Variants in APOBEC1 observed in about 807,000 individuals in gnomAD.
The protein encoded by APOBEC1 is C->U-editing enzyme APOBEC-1.
Under a neutral mutation model 26.3 loss-of-function variants are expected in APOBEC1, and 22 were observed. That is an observed-to-expected ratio of 0.84 (90% CI 0.60 to 1.19). The LOEUF is 1.19. Ranked by LOEUF, APOBEC1 falls within the 50% of genes most tolerant of loss-of-function variation. APOBEC1 has a pLI of 0.00. For synonymous variants in APOBEC1, 77 were observed against 95.3 expected (o/e 0.81, Z 1.12); for missense variants, 253 against 289.0 (o/e 0.88, Z 0.90).
In APOBEC1 at chr12:7,665,902, G is replaced by C. The variant is rs1863887400; in HGVS notation, c.-30C>G. 2 of 1,613,644 alleles carry C rather than the reference G, an allele frequency of 1.2e-6. No homozygotes were observed. The highest frequency in any genetic ancestry group is 1.7e-6 in the Non-Finnish European group (2 of 1,179,804). ...CTCTGTCTCTGGACTTCCTCCTCTG[G>C]AGTCATAAGTTGTGCTGATTGTTCC... On this transcript the variant is annotated 5_prime_UTR_variant, in exon 1 of 5. Transcript: ENST00000229304.
At chr12:7,660,362 AGG>A (rs1230097953) in intron 1 of APOBEC1, among the ~76,000 whole-genome samples, 3 of 75,898 alleles carry the variant, frequency 4.0e-5, no homozygotes, top group African/African-American at 9.4e-5. Context: ...GAAGGAAGGA[AGG>A]AAGGAAGGAA....
intron 2 of APOBEC1, 143 bp from the exon 3 acceptor site, chr12:7,652,978 G>A (rs1399913223): frequency 1.4e-6 from 1 of 713,428 alleles, no homozygotes; most frequent in Non-Finnish European, 1.9e-6. Flanking sequence ...TGCCCAGACT[G>A]GAGTGCAGTG....
chr12:7,656,125 C>T (rs1159833477), intron 1 of APOBEC1, among the ~76,000 whole-genome samples: 1 of 151,922 alleles, frequency 6.6e-6, no homozygotes, highest in Non-Finnish European at 1.5e-5. Context: ...GCATGATTCA[C>T]CATGCCTAGG....
Position 7,660,020 on chromosome 12 carries a change from T to A in APOBEC1, c.17-5388A>T, listed in dbSNP as rs762641517. ...AAAGTTTCAATTTAAAGAAAGGGTA[T>A]TTGGGCCGGGTGCGGTGGCTCACGC... On this transcript the variant is annotated intron_variant, in intron 1 of 4. Transcript: ENST00000229304. Among the ~76,000 whole-genome samples, 34 of 151,766 alleles carry A rather than the reference T, an allele frequency of 2.2e-4. 1 individual carries two copies. In the East Asian group the frequency reaches 6.0e-3, roughly 27 times the overall value.
rs778791013 is a variant in APOBEC1 at position 7,652,667 on chromosome 12, C to T, written c.213G>A (p.Thr71=). 1.1e-5 allele frequency: 18 copies of T among 1,614,076 alleles called. No individual in the cohort carries two copies. The highest frequency in any genetic ancestry group is 5.5e-5 in the South Asian group (5 of 91,062). The change falls in exon 3 of 5, where the codon ACG becomes ACA. Residue 71 remains threonine, a synonymous_variant. Transcript: ENST00000229304. ...TGGATGGGTGAAAATCTCTTTCTGA[C>T]GTAAATTTTTTTATAAAATTAACTT... ...HVEVNFIKKF[T]SERDFHPSMS... is the part of the protein sequence containing the mutation.
Position 7,649,674 on chromosome 12 carries a change from A to C in APOBEC1, c.584T>G (p.Ile195Ser). The C allele has an allele frequency of 6.2e-7, 1 of 1,613,198 alleles. No individual in the cohort carries two copies. ...AAGATGATTTTGCCATCTTCTTGAA[A>C]TCTTTAAACAGGGTGGAAGACTCTG... ...IILSLPPCLK[I>S]SRRWQNHLTF... is the part of the protein sequence containing the mutation. Residue 195 changes from isoleucine to serine, a missense_variant, in exon 5 of 5, where the codon ATT becomes AGT. Ile to Ser is a moderately radical substitution (Grantham distance 142). Transcript: ENST00000229304.
At chr12:7,656,555 A>G (rs1863717860) in intron 1 of APOBEC1, among the ~76,000 whole-genome samples, 1 of 152,204 alleles carries the variant, frequency 6.6e-6, no homozygotes, top group Non-Finnish European at 1.5e-5. Context: ...TAAAGAAGCA[A>G]CACAGTGTTG....
At chr12:7,651,686 A>T (rs1350473416) in intron 3 of APOBEC1, among the ~76,000 whole-genome samples, 1 of 151,732 alleles carries the variant, frequency 6.6e-6, no homozygotes, top group African/African-American at 2.4e-5. Context: ...TCTGTCACCT[A>T]GGCCAGTGTG....
chr12:7,650,452 A>G (rs1193371555), intron 4 of APOBEC1, among the ~76,000 whole-genome samples: 1 of 152,158 alleles, frequency 6.6e-6, no homozygotes. Flanking sequence ...ATAAGAATAA[A>G]AATGATAAAA....
At chr12:7,660,371 G>GAAAGAAA (rs1555094880) in intron 1 of APOBEC1, among the ~76,000 whole-genome samples, 7 of 18,054 alleles carry the variant, frequency 3.9e-4, no homozygotes, top group African/African-American at 9.6e-4. Context: ...AAGGAAGGAA[G>GAAAGAAA]GAAGGAAAGA....
rs374677989 is a variant in APOBEC1, at chr12:7,664,600, CCT to C, written c.16+1255_16+1256del. On this transcript the variant is annotated intron_variant, in intron 1 of 4. Coordinates refer to ENST00000229304, the MANE Select transcript of APOBEC1 (RefSeq NM_001644.5). ...ATAGGATTCAATCAACCTGGAATCTCCTCTTCTTTGTCGATCCAAAGTCTGCC... is the reference window on the plus strand; with the variant it reads ...ATAGGATTCAATCAACCTGGAATCTCCTTCTTTGTCGATCCAAAGTCTGCC... Among the ~76,000 whole-genome samples, 322 of 152,304 alleles carry C rather than the reference CCT, an allele frequency of 2.1e-3. 3 individuals carry two copies. Among genetic ancestry groups the C allele is most frequent in the African/African-American group, 7.4e-3 (306 of 41,556 alleles).
upstream of APOBEC1, among the ~76,000 whole-genome samples, chr12:7,667,158 C>T (rs1030886317): frequency 1.3e-5 from 2 of 152,098 alleles, no homozygotes; most frequent in East Asian, 1.9e-4. Flanking sequence ...GTGATCCACC[C>T]GCCTCAGCTT....
rs6144603 is a variant in APOBEC1 at position 7,657,043 on chromosome 12, CGT to C, written c.17-2413_17-2412del. 7.6e-3 allele frequency among the ~76,000 whole-genome samples: 1,128 copies of C among 148,726 alleles called. 12 individuals are homozygous for C. Among genetic ancestry groups the C allele is most frequent in the East Asian group, 0.033 (164 of 4,988 alleles). On this transcript the variant is annotated intron_variant, in intron 1 of 4. Transcript: ENST00000229304. Reference sequence around the variant, plus strand: ...TTGGTGTCCTAGTGTGTTGTATATACGTGTGTGTGTGTGTGTGTGTGTGTGTG... The same window carrying C: ...TTGGTGTCCTAGTGTGTTGTATATACGTGTGTGTGTGTGTGTGTGTGTGTG...
intron 1 of APOBEC1, among the ~76,000 whole-genome samples, chr12:7,660,701 TAAAAAA>T (rs34455959): frequency 5.0e-5 from 6 of 120,056 alleles, no homozygotes; most frequent in Non-Finnish European, 1.0e-4. Flanking sequence ...AGATTCCATC[TAAAAAA>T]AAAAAAAAAA....
intron 3 of APOBEC1, among the ~76,000 whole-genome samples, 186 bp downstream of exon 3, chr12:7,652,252 G>A (rs1047872573): frequency 2.0e-5 from 3 of 152,218 alleles, no homozygotes; most frequent in Admixed American, 6.5e-5. Context: ...GCCACCATGC[G>A]TAGCCAGGAG....
At chr12:7,660,638 G>A (rs1360087056) in intron 1 of APOBEC1, among the ~76,000 whole-genome samples, 1 of 145,884 alleles carries the variant, frequency 6.9e-6, no homozygotes, top group Non-Finnish European at 1.5e-5. Context: ...GGGAGGCGGA[G>A]CTTGCAGTGA....
At chr12:7,650,137 C>T (rs1863619124) in intron 4 of APOBEC1, among the ~76,000 whole-genome samples, 1 of 152,050 alleles carries the variant, frequency 6.6e-6, no homozygotes, top group African/African-American at 2.4e-5. Context: ...TCAAGAGAAT[C>T]CAATGGAACA....
intron 1 of APOBEC1, among the ~76,000 whole-genome samples, chr12:7,658,154 C>T (rs73064650): frequency 0.12 from 18,837 of 152,126 alleles, 1,222 homozygotes; most frequent in South Asian, 0.22. Context: ...AACTTTGCCT[C>T]CAGGGTTCAA....
At chr12:7,669,230 AC>A (rs1226662418), upstream of APOBEC1, among the ~76,000 whole-genome samples, 6 of 149,042 alleles carry the variant, frequency 4.0e-5, no homozygotes, top group African/African-American at 1.5e-4. Flanking sequence ...TCACTATACA[AC>A]TTTTTGTATT....
Sources: allele counts gnomAD v4.1 joint callset (sites outside exome capture counted in the v4.1 genomes callset), GRCh38; gene constraint gnomAD v4.1.1; transcripts MANE v1.5; gene names NCBI Gene and HGNC (gene_info 2026-07-23, HGNC 2026-07-21).